Variants in MRPS31 observed in about 807,000 individuals in gnomAD.
MRPS31 encodes small ribosomal subunit protein mS31.
In MRPS31, 32 loss-of-function variants were observed where a neutral mutation model predicts 43.1. The ratio of observed to expected loss-of-function variants is 0.74; its 90% CI spans 0.56 to 1.00. The LOEUF is 1.00. MRPS31 is among the 50% of genes least tolerant of loss of function. MRPS31 has a pLI of 0.00. For synonymous variants in MRPS31, 165 were observed against 161.6 expected (o/e 1.02, Z -0.16); for missense variants, 437 against 466.7 (o/e 0.94, Z 0.59).
rs373227113 is a variant in MRPS31, at chr13:40,751,278, T to C, written c.815-1997A>G. Among the ~76,000 whole-genome samples the C allele has an allele frequency of 6.6e-5, 10 of 152,360 alleles. No homozygotes were observed. In the East Asian group the frequency reaches 1.5e-3, roughly 23 times the overall value. On this transcript the variant is annotated intron_variant, in intron 5 of 6. Transcript: ENST00000323563. ...CACTGACCCACCTATGTCTTTTCCATCATCATTAGGATCATCACTATATTT... is the reference window on the plus strand; with the variant it reads ...CACTGACCCACCTATGTCTTTTCCACCATCATTAGGATCATCACTATATTT...
chr13:40,729,722 T>A, intron 6 of MRPS31, 121 bp from the exon 7 acceptor site: 1 of 682,938 alleles, frequency 1.5e-6, no homozygotes, highest in Non-Finnish European at 2.4e-6. Context: ...GAGTTAGACC[T>A]AGGTTGCATT....
chr13:40,733,331 T>C (rs934406783), intron 6 of MRPS31, among the ~76,000 whole-genome samples: 9 of 151,886 alleles, frequency 5.9e-5, no homozygotes, highest in African/African-American at 1.5e-4. Flanking sequence ...GTTAAAAATA[T>C]GGCAACAAAA....
intron 6 of MRPS31, among the ~76,000 whole-genome samples, chr13:40,736,361 G>A (rs1204627573): frequency 4.6e-5 from 7 of 151,658 alleles, no homozygotes; most frequent in East Asian, 3.9e-4. Flanking sequence ...CACTCTGCAG[G>A]ATATTATCCA....
intron 6 of MRPS31, among the ~76,000 whole-genome samples, chr13:40,733,640 A>T (rs970037065): frequency 6.6e-6 from 1 of 152,190 alleles, no homozygotes; most frequent in Admixed American, 6.5e-5. Context: ...TAGGATAAGA[A>T]TGGAAAAAAT....
At chr13:40,738,026 T>C (rs538463484) in intron 6 of MRPS31, among the ~76,000 whole-genome samples, 26 of 151,662 alleles carry the variant, frequency 1.7e-4, no homozygotes, top group Middle Eastern at 3.4e-3. Flanking sequence ...ATCAACAAAA[T>C]TGATAGACCA....
At chr13:40,765,273 G>C (rs1880813283) in intron 2 of MRPS31, among the ~76,000 whole-genome samples, 1 of 152,134 alleles carries the variant, frequency 6.6e-6, no homozygotes, top group African/African-American at 2.4e-5. Context: ...AGTGGAGCAA[G>C]AATGTAAGAA....
At chr13:40,769,119 T>C (rs1170687047) in intron 1 of MRPS31, among the ~76,000 whole-genome samples, 6 of 151,930 alleles carry the variant, frequency 3.9e-5, no homozygotes, top group African/African-American at 1.4e-4. Flanking sequence ...GGTGCACGCC[T>C]GTAATTCCAG....
chr13:40,736,388 C>A (rs887855994), intron 6 of MRPS31, among the ~76,000 whole-genome samples: 1 of 150,738 alleles, frequency 6.6e-6, no homozygotes, highest in African/African-American at 2.5e-5. Flanking sequence ...TTTACCCAAT[C>A]TAGCAAGGCA....
chr13:40,739,149 C>G (rs1476038990), intron 6 of MRPS31, among the ~76,000 whole-genome samples: 1 of 152,010 alleles, frequency 6.6e-6, no homozygotes, highest in Admixed American at 6.6e-5. Flanking sequence ...CAACAACAGA[C>G]AAACAGAGAG....
intron 1 of MRPS31, among the ~76,000 whole-genome samples, chr13:40,768,466 CTCTG>C (rs1234781703): frequency 2.0e-5 from 3 of 151,786 alleles, no homozygotes; most frequent in African/African-American, 7.3e-5. Context: ...CAGGGCCTCA[CTCTG>C]TCAGACAGGC....
chr13:40,745,642 T>C (rs1880222518), intron 6 of MRPS31, among the ~76,000 whole-genome samples: 1 of 152,214 alleles, frequency 6.6e-6, no homozygotes, highest in Non-Finnish European at 1.5e-5. Flanking sequence ...CTTGTCTTTT[T>C]ATATTTTAAC....
At chr13:40,749,896 C>G (rs1477692883) in intron 5 of MRPS31, among the ~76,000 whole-genome samples, 2 of 152,172 alleles carry the variant, frequency 1.3e-5, no homozygotes, top group African/African-American at 2.4e-5. Flanking sequence ...GAGCCATATT[C>G]TCACCAGTTA....
At chr13:40,759,400 TG>T (rs1880628758) in intron 2 of MRPS31, among the ~76,000 whole-genome samples, 1 of 152,000 alleles carries the variant, frequency 6.6e-6, no homozygotes, top group Non-Finnish European at 1.5e-5. Flanking sequence ...ATCACGCCAC[TG>T]CACTCTAGCC....
Position 40,771,005 on chromosome 13 carries a change from G to A in MRPS31, c.132C>T (p.Arg44=). Reference sequence around the variant, plus strand: ...CCTACCGGGCCAACAGCGCTGAACTGCGGTACCTGACTGTTCCGTGCCGAA... The same window carrying A: ...CCTACCGGGCCAACAGCGCTGAACTACGGTACCTGACTGTTCCGTGCCGAA... ...LTVRHGTVRY[R]SSALLARTKN... Residue 44 remains arginine (R), a synonymous_variant, in exon 1 of 7, where the codon CGC becomes CGT. Coordinates refer to ENST00000323563, the MANE Select transcript of MRPS31 (RefSeq NM_005830.4). 1 of 1,614,164 alleles carries A rather than the reference G, an allele frequency of 6.2e-7. No homozygotes were observed. Among genetic ancestry groups the A allele is most frequent in the East Asian group, 2.2e-5 (1 of 44,890 alleles).
At chr13:40,766,353 C>T (rs1480833933) in intron 2 of MRPS31, among the ~76,000 whole-genome samples, 2 of 152,152 alleles carry the variant, frequency 1.3e-5, no homozygotes, top group Non-Finnish European at 2.9e-5. Flanking sequence ...AGTGCAGTGG[C>T]ACAATTCTTG....
At chr13:40,758,017 C>T (rs61963355) in intron 3 of MRPS31, among the ~76,000 whole-genome samples, 3 of 151,762 alleles carry the variant, frequency 2.0e-5, no homozygotes, top group Non-Finnish European at 4.4e-5. Flanking sequence ...GTGGCGGGCA[C>T]CTGTAGTCCC....
At chr13:40,755,423 A>G (rs1880503040) in intron 4 of MRPS31, among the ~76,000 whole-genome samples, 1 of 152,274 alleles carries the variant, frequency 6.6e-6, no homozygotes, top group African/African-American at 2.4e-5. Context: ...ACTATGTACC[A>G]GATAGTTTAC....
intron 1 of MRPS31, among the ~76,000 whole-genome samples, chr13:40,769,993 C>T (rs1421210596): frequency 2.6e-5 from 4 of 152,128 alleles, no homozygotes; most frequent in Non-Finnish European, 5.9e-5. Flanking sequence ...ATTAAAAGGC[C>T]CCCTAACATA....
intron 4 of MRPS31, among the ~76,000 whole-genome samples, chr13:40,754,780 G>A (rs1880483203): frequency 6.6e-6 from 1 of 152,180 alleles, no homozygotes; most frequent in Non-Finnish European, 1.5e-5. Context: ...TGTAATCCCA[G>A]CACTTTGGGA....
Sources: allele counts gnomAD v4.1 joint callset (sites outside exome capture counted in the v4.1 genomes callset), GRCh38; gene constraint gnomAD v4.1.1; transcripts MANE v1.5; gene names NCBI Gene and HGNC (gene_info 2026-07-23, HGNC 2026-07-21).